SLC8A1: variants seen among roughly 807,000 people sequenced by gnomAD.
SLC8A1 encodes sodium/calcium exchanger 1.
Under a neutral mutation model 68.3 loss-of-function variants are expected in SLC8A1, and 18 were observed. That is an observed-to-expected ratio of 0.26 (90% CI 0.18 to 0.39). The LOEUF (loss-of-function observed/expected upper bound fraction) is 0.39. Ranked by LOEUF, SLC8A1 falls within the 10% of genes least tolerant of loss-of-function variation. The pLI is 1.00. For synonymous variants in SLC8A1, 475 were observed against 415.5 expected (o/e 1.14, Z -1.74); for missense variants, 985 against 1,156.7 (o/e 0.85, Z 2.15).
chr2:40,466,025 G>A (rs1703650153), intron 1 of SLC8A1, among the ~76,000 whole-genome samples: 1 of 152,130 alleles, frequency 6.6e-6, no homozygotes, highest in Non-Finnish European at 1.5e-5. Context: ...CTGACAAGAT[G>A]CCAGCACCTT....
chr2:40,381,231 C>T (rs1455599571), intron 2 of SLC8A1, among the ~76,000 whole-genome samples: 2 of 152,018 alleles, frequency 1.3e-5, no homozygotes, highest in African/African-American at 2.4e-5. Context: ...ATGATGAATG[C>T]TGAACTGTCA....
At chr2:40,115,576 T>C (rs1401940532) in exon 8 of SLC8A1, 5 of 1,613,300 alleles carry the variant, frequency 3.1e-6, no homozygotes, top group African/African-American at 1.3e-5. Flanking sequence ...ACGTTACCTA[T>C]GGAGGCGTCT....
At position 40,190,925 on chromosome 2, in the gene SLC8A1, C is replaced by CTG. The variant is rs137934196; in HGVS notation, c.1809-13072_1809-13071dup. On this transcript the variant is annotated intron_variant, in intron 2 of 7. Transcript: ENST00000406785. Reference sequence around the variant, plus strand: ...CTCTACCACTAGACGTGGTCAATAACTGTGTGTGTGGGTGTGTGTGTGTGT... The same window carrying CTG: ...CTCTACCACTAGACGTGGTCAATAACTGTGTGTGTGTGGGTGTGTGTGTGTGT... 2.9e-3 allele frequency among the ~76,000 whole-genome samples: 444 copies of CTG among 152,134 alleles called. 1 individual carries two copies. The highest frequency in any genetic ancestry group is 7.3e-3 in the South Asian group (35 of 4,816).
At chr2:40,141,654 AC>A (rs1479798386) in intron 6 of SLC8A1, among the ~76,000 whole-genome samples, 2 of 152,212 alleles carry the variant, frequency 1.3e-5, no homozygotes, top group Non-Finnish European at 2.9e-5. Flanking sequence ...AGCAGAAGAT[AC>A]TTTTTAATAA....
intron 5 of SLC8A1, among the ~76,000 whole-genome samples, chr2:40,162,858 C>G (rs1051997486): frequency 2.0e-5 from 3 of 152,258 alleles, no homozygotes; most frequent in Admixed American, 1.3e-4. Context: ...AATAAGAACT[C>G]AGTGGGTAAA....
chr2:40,226,703 T>A (rs938761321), intron 2 of SLC8A1, among the ~76,000 whole-genome samples: 3 of 152,186 alleles, frequency 2.0e-5, no homozygotes, highest in African/African-American at 7.2e-5. Context: ...CTTTGACTAA[T>A]GTGTACACAC....
At chr2:40,197,757 C>T (rs368577) in intron 2 of SLC8A1, among the ~76,000 whole-genome samples, 106,997 of 151,724 alleles carry the variant, frequency 0.71, 39,115 homozygotes, top group Middle Eastern at 0.83. Flanking sequence ...CAGCTTGCTA[C>T]ACCTTTTCTC....
At position 40,188,013 on chromosome 2, in the gene SLC8A1, C is replaced by G. The variant is rs542784603; in HGVS notation, c.1809-10158G>C. Reference sequence around the variant, plus strand: ...ACCTGGGGTCTGTTACCTACACATGCCTGCTGAGACCATTTCTCTGCTCAG... The same window carrying G: ...ACCTGGGGTCTGTTACCTACACATGGCTGCTGAGACCATTTCTCTGCTCAG... On this transcript the variant is annotated intron_variant, in intron 2 of 7. Transcript: ENST00000406785. 6.6e-5 allele frequency among the ~76,000 whole-genome samples: 10 copies of G among 152,262 alleles called. No homozygotes were observed. The South Asian group carries it at 2.1e-3, about 32-fold the overall frequency.
At chr2:40,398,216 C>G (rs138298362) in intron 2 of SLC8A1, among the ~76,000 whole-genome samples, 1 of 152,282 alleles carries the variant, frequency 6.6e-6, no homozygotes, top group South Asian at 2.1e-4. Flanking sequence ...TCCCTTCTCC[C>G]TAGTCTTGGT....
At chr2:40,485,339 T>G (rs542120215) in intron 1 of SLC8A1, among the ~76,000 whole-genome samples, 3 of 152,304 alleles carry the variant, frequency 2.0e-5, no homozygotes, top group African/African-American at 7.2e-5. Flanking sequence ...TTCCTACTTA[T>G]TGGCCAGGTT....
At chr2:40,439,308 C>T (rs941084572) in intron 1 of SLC8A1, among the ~76,000 whole-genome samples, 1 of 152,096 alleles carries the variant, frequency 6.6e-6, no homozygotes, top group Non-Finnish European at 1.5e-5. Context: ...TCTTCAGAGA[C>T]CTATTCAGTT....
At chr2:40,177,910 T>G in intron 2 of SLC8A1, 1 of 1,150,600 alleles carries the variant, frequency 8.7e-7, no homozygotes, top group Non-Finnish European at 1.3e-6. Flanking sequence ...ACGCTCATGC[T>G]CTTGGTGTCC....
chr2:40,153,869 C>T (rs1002791521), intron 6 of SLC8A1, among the ~76,000 whole-genome samples: 1 of 152,204 alleles, frequency 6.6e-6, no homozygotes, highest in Non-Finnish European at 1.5e-5. Context: ...GGTCCTTCTG[C>T]ACTTCTGTCC....
intron 2 of SLC8A1, among the ~76,000 whole-genome samples, chr2:40,246,074 A>G (rs2148994300): frequency 6.6e-6 from 1 of 152,324 alleles, no homozygotes; most frequent in Non-Finnish European, 1.5e-5. Flanking sequence ...CTCTTCTTTT[A>G]AAAGTGTTCA....
intron 1 of SLC8A1, among the ~76,000 whole-genome samples, chr2:40,476,429 A>G (rs1025007872): frequency 6.6e-6 from 1 of 152,242 alleles, no homozygotes; most frequent in African/African-American, 2.4e-5. Context: ...AAACAAAGAT[A>G]TATTTCTAAT....
chr2:40,132,540 G>A (rs6544312), intron 7 of SLC8A1, among the ~76,000 whole-genome samples: 147,887 of 152,048 alleles, frequency 0.97, 72,084 homozygotes, highest in East Asian at 1. Context: ...GAAGTAAAGC[G>A]ACAGGACCCA....
chr2:40,118,273 G>T (rs964636120), intron 7 of SLC8A1: 1 of 152,198 alleles, frequency 6.6e-6, no homozygotes, highest in African/African-American at 2.4e-5. Flanking sequence ...ACACCACATT[G>T]CCCCTTCCAG....
chr2:40,239,167 A>C (rs1432556408), intron 2 of SLC8A1, among the ~76,000 whole-genome samples: 1 of 152,240 alleles, frequency 6.6e-6, no homozygotes, highest in East Asian at 1.9e-4. Context: ...AACAGTCAGC[A>C]AATGTCAATC....
intron 2 of SLC8A1, among the ~76,000 whole-genome samples, chr2:40,322,596 A>G (rs1224805714): frequency 6.6e-6 from 1 of 151,332 alleles, no homozygotes; most frequent in Non-Finnish European, 1.5e-5. Context: ...GGGTCACTTG[A>G]GCTCAGGAGT....
Sources: allele counts gnomAD v4.1 joint callset (sites outside exome capture counted in the v4.1 genomes callset), GRCh38; gene constraint gnomAD v4.1.1; transcripts MANE v1.5; gene names NCBI Gene and HGNC (gene_info 2026-07-23, HGNC 2026-07-21).